Variants in C1orf21 observed in about 807,000 individuals in gnomAD.
C1orf21 encodes the protein chromosome 1 open reading frame 21, also known as uncharacterized protein C1orf21.
In C1orf21, 3 loss-of-function variants were observed where a neutral mutation model predicts 18.7. That is an observed-to-expected ratio of 0.16 (90% CI 0.07 to 0.42). The LOEUF is 0.42. C1orf21 is among the 10% of genes least tolerant of loss of function. C1orf21 has a pLI of 0.99. For synonymous variants in C1orf21, 41 were observed against 46.4 expected (o/e 0.88, Z 0.47); for missense variants, 104 against 143.6 (o/e 0.72, Z 1.41).
intron 3 of C1orf21, among the ~76,000 whole-genome samples, chr1:184,561,109 A>C (rs1465764399): frequency 6.6e-6 from 1 of 152,184 alleles, no homozygotes; most frequent in Non-Finnish European, 1.5e-5. Flanking sequence ...GATCATCTTG[A>C]CAAGGGCATT....
intron 1 of C1orf21, among the ~76,000 whole-genome samples, chr1:184,444,931 G>A (rs967405823): frequency 6.6e-6 from 1 of 152,064 alleles, no homozygotes; most frequent in African/African-American, 2.4e-5. Flanking sequence ...TATCCTCAGC[G>A]TATTAACACC....
intron 2 of C1orf21, among the ~76,000 whole-genome samples, chr1:184,478,288 A>G (rs891404044): frequency 3.9e-5 from 6 of 152,206 alleles, no homozygotes; most frequent in African/African-American, 4.8e-5. Flanking sequence ...TAAAAATACA[A>G]TGAATCTAAT....
At chr1:184,452,224 C>A (rs1657134112) in intron 1 of C1orf21, among the ~76,000 whole-genome samples, 1 of 152,126 alleles carries the variant, frequency 6.6e-6, no homozygotes, top group Non-Finnish European at 1.5e-5. Flanking sequence ...GGCAGGAGAG[C>A]AATGAAAGAT....
chr1:184,421,853 A>G (rs1392431960), intron 1 of C1orf21, among the ~76,000 whole-genome samples: 3 of 151,738 alleles, frequency 2.0e-5, no homozygotes, highest in Non-Finnish European at 4.4e-5. Flanking sequence ...AGTATAACAA[A>G]TATCTCAGAA....
At chr1:184,593,132 A>G (rs1019153328) in intron 4 of C1orf21, among the ~76,000 whole-genome samples, 1 of 152,194 alleles carries the variant, frequency 6.6e-6, no homozygotes, top group Non-Finnish European at 1.5e-5. Flanking sequence ...ATAAAGAGAG[A>G]TTGAATGGAG....
Position 184,549,316 on chromosome 1 carries a change from G to A in C1orf21, c.190-41423G>A, listed in dbSNP as rs558904795. ...CTCTGGTTACATTAAAAAGTGTGACGCCTTCTTTAAAGTACTTTGCTTTTA... is the reference window on the plus strand; with the variant it reads ...CTCTGGTTACATTAAAAAGTGTGACACCTTCTTTAAAGTACTTTGCTTTTA... On this transcript the variant is annotated intron_variant, in intron 3 of 5. Transcript: ENST00000235307. Among the ~76,000 whole-genome samples the A allele has an allele frequency of 2.6e-4, 39 of 152,206 alleles. No individual in the cohort carries two copies. In the South Asian group the frequency reaches 6.4e-3, roughly 25 times the overall value.
chr1:184,430,255 A>G (rs1656718750), intron 1 of C1orf21, among the ~76,000 whole-genome samples: 2 of 152,072 alleles, frequency 1.3e-5, no homozygotes, highest in African/African-American at 4.8e-5. Flanking sequence ...AGTAGAGGTA[A>G]TAATACTGCA....
chr1:184,481,915 C>T lies in C1orf21; in HGVS notation c.94+4312C>T, dbSNP rs367597024. ...ACTGAATATCACATTTTAAATATGACGAGTTAAGGTCTTGTCTGTGTTTCT... is the reference window on the plus strand; with the variant it reads ...ACTGAATATCACATTTTAAATATGATGAGTTAAGGTCTTGTCTGTGTTTCT... On this transcript the variant is annotated intron_variant, in intron 2 of 5. Coordinates refer to ENST00000235307, the MANE Select transcript of C1orf21 (RefSeq NM_030806.4). Among the ~76,000 whole-genome samples, 3 of 152,092 alleles carry T rather than the reference C, an allele frequency of 2.0e-5. No individual in the cohort carries two copies. The South Asian group carries it at 6.2e-4, about 31-fold the overall frequency.
At chr1:184,486,573 A>G (rs1057460216) in intron 2 of C1orf21, among the ~76,000 whole-genome samples, 2 of 152,162 alleles carry the variant, frequency 1.3e-5, no homozygotes, top group African/African-American at 4.8e-5. Flanking sequence ...CCAGCACAAA[A>G]TAGATACCAT....
intron 3 of C1orf21, among the ~76,000 whole-genome samples, chr1:184,516,531 T>C (rs779415242): frequency 5.9e-5 from 9 of 152,192 alleles, no homozygotes; most frequent in Non-Finnish European, 1.3e-4. Flanking sequence ...AGAGGTTTAA[T>C]TGGACTTAAG....
chr1:184,528,637 G>A (rs973307366), intron 3 of C1orf21, among the ~76,000 whole-genome samples: 3 of 152,036 alleles, frequency 2.0e-5, no homozygotes, highest in East Asian at 1.9e-4. Context: ...TAGAGACAAG[G>A]TTTCAGCATG....
intron 1 of C1orf21, among the ~76,000 whole-genome samples, chr1:184,469,824 T>C (rs1326212987): frequency 6.6e-6 from 1 of 152,250 alleles, no homozygotes; most frequent in Admixed American, 6.5e-5. Context: ...TCTCTGATCC[T>C]TTGTTTCCTT....
chr1:184,521,903 C>T (rs747105946), intron 3 of C1orf21, among the ~76,000 whole-genome samples: 3 of 152,050 alleles, frequency 2.0e-5, no homozygotes, highest in African/African-American at 2.4e-5. Flanking sequence ...TGGAAATCAA[C>T]GAAGACTGTG....
At chr1:184,564,261 G>T (rs1428897004) in intron 3 of C1orf21, among the ~76,000 whole-genome samples, 1 of 152,162 alleles carries the variant, frequency 6.6e-6, no homozygotes, top group Admixed American at 6.5e-5. Flanking sequence ...AGAAGAGATA[G>T]AACACAGCTG....
At chr1:184,482,589 G>A (rs1044125567) in intron 2 of C1orf21, among the ~76,000 whole-genome samples, 12 of 152,218 alleles carry the variant, frequency 7.9e-5, no homozygotes, top group African/African-American at 2.4e-4. Context: ...GTTTTTCACC[G>A]AATAAAGTGA....
At chr1:184,474,364 C>A (rs1452221357) in intron 1 of C1orf21, among the ~76,000 whole-genome samples, 3 of 152,030 alleles carry the variant, frequency 2.0e-5, no homozygotes, top group Non-Finnish European at 4.4e-5. Flanking sequence ...TGTTAACCTG[C>A]CCCTCACCCC....
chr1:184,449,119 A>G (rs892411443), intron 1 of C1orf21, among the ~76,000 whole-genome samples: 35 of 152,114 alleles, frequency 2.3e-4, no homozygotes, highest in African/African-American at 8.0e-4. Flanking sequence ...TTACATATGT[A>G]TACATGTGCC....
At chr1:184,567,467 G>T in intron 3 of C1orf21, 1 of 541,338 alleles carries the variant, frequency 1.8e-6, no homozygotes. Flanking sequence ...CACTGCTGGT[G>T]CAGAGATGCT....
intron 3 of C1orf21, among the ~76,000 whole-genome samples, chr1:184,510,494 G>A (rs1658127816): frequency 1.3e-5 from 2 of 152,196 alleles, no homozygotes; most frequent in African/African-American, 4.8e-5. Flanking sequence ...GTCTATTGGG[G>A]CATCAGGACC....
Sources: allele counts gnomAD v4.1 joint callset (sites outside exome capture counted in the v4.1 genomes callset), GRCh38; gene constraint gnomAD v4.1.1; transcripts MANE v1.5; gene names NCBI Gene and HGNC (gene_info 2026-07-23, HGNC 2026-07-21).